The following DCDC2C variants were observed in gnomAD, a reference collection of about 807,000 sequenced individuals.
DCDC2C encodes doublecortin domain-containing protein 2C.
DCDC2C carries 44 observed loss-of-function variants against 45.0 expected under a neutral mutation model. That is an observed-to-expected ratio of 0.98 (90% confidence interval 0.77 to 1.26). The LOEUF (loss-of-function observed/expected upper bound fraction) is 1.26, where lower values mean the gene tolerates loss of function less well. DCDC2C is among the 50% of genes most tolerant of loss of function. The pLI, the probability that DCDC2C is intolerant of heterozygous loss-of-function variation, is 0.00. For synonymous variants in DCDC2C, 187 were observed against 178.8 expected, an observed-to-expected ratio of 1.05 and a Z score of -0.37; for missense variants, 447 against 468.9, an observed-to-expected ratio of 0.95 and a Z score of 0.43.
At chr2:3,830,973 A>T (rs929447126) in intron 10 of DCDC2C, among the ~76,000 whole-genome samples, 16 of 152,160 alleles carry the variant, frequency 1.1e-4, no homozygotes, top group African/African-American at 3.6e-4. Flanking sequence ...CTTGGGGTGG[A>T]TAATTTCAGC....
At chr2:3,708,166 G>GT (rs1414903885) in intron 1 of DCDC2C, among the ~76,000 whole-genome samples, 2 of 152,160 alleles carry the variant, frequency 1.3e-5, no homozygotes, top group African/African-American at 4.8e-5. Flanking sequence ...GAGAGTCTGG[G>GT]TTTTTGTTCC....
chr2:3,719,596 C>T (rs558364560), intron 2 of DCDC2C, among the ~76,000 whole-genome samples: 10 of 152,144 alleles, frequency 6.6e-5, no homozygotes, highest in Non-Finnish European at 1.3e-4. Context: ...GTCAGGCATC[C>T]CCCTGCCTCT....
intron 10 of DCDC2C, among the ~76,000 whole-genome samples, chr2:3,795,004 C>G (rs1670917491): frequency 1.3e-5 from 2 of 152,208 alleles, no homozygotes; most frequent in South Asian, 4.1e-4. Context: ...GTTCCTATTT[C>G]TCCACATCCT....
chr2:3,720,249 G>A lies in DCDC2C; in HGVS notation c.340-6754G>A, dbSNP rs183315987. ...AGCCATGGTAAGGGTCTGTGAGGACGTAGCAAAACGTTGTGGTTTGAAGCA... is the reference window on the plus strand; with the variant it reads ...AGCCATGGTAAGGGTCTGTGAGGACATAGCAAAACGTTGTGGTTTGAAGCA... On this transcript the variant is annotated intron_variant, in intron 2 of 10. Coordinates refer to ENST00000399143, the MANE Select transcript of DCDC2C (RefSeq NM_001287444.2). 8.5e-5 allele frequency among the ~76,000 whole-genome samples: 13 copies of A among 152,344 alleles called. No homozygotes were observed. In the East Asian group the frequency reaches 1.9e-3, roughly 23 times the overall value.
chr2:3,847,453 A>G lies in DCDC2C; in HGVS notation c.*270A>G. 1 of 291,904 alleles carries G rather than the reference A, an allele frequency of 3.4e-6. No individual in the cohort carries two copies. Among genetic ancestry groups the G allele is most frequent in the Non-Finnish European group, 6.3e-6 (1 of 158,630 alleles). 18.1% of individuals were successfully genotyped at this position (291,904 alleles called of 1,614,324 possible). A position where few individuals can be genotyped will look rare whatever the true frequency, so the allele number is the denominator to read the frequency against. On this transcript the variant is annotated 3_prime_UTR_variant, in exon 11 of 11. Coordinates refer to ENST00000399143, the MANE Select transcript of DCDC2C (RefSeq NM_001287444.2). ...TAAGCCCCCAAAAGATCATTCAGAA[A>G]GTGAGAAGAATTTGAAAAAACGTGT...
intron 10 of DCDC2C, among the ~76,000 whole-genome samples, chr2:3,811,158 A>C (rs769344113): frequency 4.6e-5 from 7 of 152,180 alleles, no homozygotes; most frequent in Non-Finnish European, 1.0e-4. Context: ...TGAATCTATA[A>C]ATTACTTTGG....
At chr2:3,728,169 G>A (rs1164670041) in intron 3 of DCDC2C, among the ~76,000 whole-genome samples, 1 of 152,152 alleles carries the variant, frequency 6.6e-6, no homozygotes, top group African/African-American at 2.4e-5. Context: ...GCTGGAAACT[G>A]CCTGATTCAC....
At chr2:3,813,291 CGATCTGACCTCGT>C (rs1671463540) in intron 10 of DCDC2C, among the ~76,000 whole-genome samples, 1 of 151,622 alleles carries the variant, frequency 6.6e-6, no homozygotes, top group African/African-American at 2.4e-5. Flanking sequence ...AAGATGGTCT[CGATCTGACCTCGT>C]GATCTGCCTG....
intron 10 of DCDC2C, among the ~76,000 whole-genome samples, chr2:3,837,416 G>C (rs1672108731): frequency 6.6e-6 from 1 of 152,190 alleles, no homozygotes; most frequent in Admixed American, 6.5e-5. Flanking sequence ...AATGGAAGTA[G>C]TGGGAATGGA....
chr2:3,716,236 A>G (rs1668347011), intron 2 of DCDC2C, among the ~76,000 whole-genome samples: 1 of 152,164 alleles, frequency 6.6e-6, no homozygotes, highest in Non-Finnish European at 1.5e-5. Context: ...TTCCGATGAC[A>G]GGGTCCTGGA....
chr2:3,782,792 A>T (rs1209261969), intron 9 of DCDC2C, among the ~76,000 whole-genome samples: 1 of 152,178 alleles, frequency 6.6e-6, no homozygotes, highest in East Asian at 1.9e-4. Flanking sequence ...TCCAGTTCTT[A>T]GTGCTTGATT....
intron 4 of DCDC2C, among the ~76,000 whole-genome samples, chr2:3,743,245 A>T (rs1371886411): frequency 4.6e-5 from 7 of 152,194 alleles, no homozygotes; most frequent in African/African-American, 1.7e-4. Context: ...TGGAGCACCT[A>T]AATATATAAT....
rs145761163 is a variant in DCDC2C, at chr2:3,785,331, A to G, written c.1065+231A>G. Among the ~76,000 whole-genome samples the G allele has an allele frequency of 3.6e-3, 549 of 152,316 alleles. 5 individuals are homozygous for G. Among genetic ancestry groups the G allele is most frequent in the African/African-American group, 0.012 (502 of 41,594 alleles). On this transcript the variant is annotated intron_variant, in intron 10 of 10. Transcript: ENST00000399143. ...GGATGGATCCTCAGGAAAGGCAAAT[A>G]AGAACCAGGAGTAAAAAGCGCCCTA...
chr2:3,773,434 C>T (rs1670240622), intron 8 of DCDC2C, among the ~76,000 whole-genome samples: 1 of 152,156 alleles, frequency 6.6e-6, no homozygotes, highest in South Asian at 2.1e-4. Context: ...GGGTGCATGG[C>T]CTGTGTGCCT....
At chr2:3,784,633 A>G (rs1670603304) in intron 9 of DCDC2C, among the ~76,000 whole-genome samples, 1 of 152,072 alleles carries the variant, frequency 6.6e-6, no homozygotes, top group Admixed American at 6.6e-5. Context: ...GTGTTCATCC[A>G]CAGGGTTGGT....
chr2:3,774,196 G>A (rs1223958989), intron 8 of DCDC2C, among the ~76,000 whole-genome samples: 2 of 152,240 alleles, frequency 1.3e-5, no homozygotes, highest in East Asian at 3.8e-4. Flanking sequence ...TATCTGTGTA[G>A]AGTAACTCAG....
chr2:3,715,592 A>G (rs1047765978), intron 2 of DCDC2C, among the ~76,000 whole-genome samples: 3 of 152,150 alleles, frequency 2.0e-5, no homozygotes, highest in Non-Finnish European at 2.9e-5. Flanking sequence ...CCATCCATCC[A>G]TCCATCCATC....
intron 6 of DCDC2C, among the ~76,000 whole-genome samples, chr2:3,765,859 T>C (rs1300624769): frequency 1.3e-5 from 2 of 152,144 alleles, no homozygotes; most frequent in Non-Finnish European, 2.9e-5. Flanking sequence ...GCACCCCTCT[T>C]GGGAATGACA....
intron 5 of DCDC2C, 101 bp from the exon 6 acceptor site, chr2:3,754,491 G>A (rs1669633450): frequency 5.1e-6 from 6 of 1,179,458 alleles, no homozygotes; most frequent in South Asian, 1.5e-5. Flanking sequence ...GCTCCTCCTC[G>A]TGGTCACTTC....
Sources: gnomAD v4.1 joint callset for allele counts (sites outside exome capture counted in the v4.1 genomes callset) on GRCh38, gnomAD v4.1.1 for gene constraint, MANE v1.5 for transcripts, NCBI Gene and HGNC (gene_info 2026-07-23, HGNC 2026-07-21) for gene names.